KIAA0319L: variants seen among roughly 807,000 people sequenced by gnomAD.
KIAA0319L encodes KIAA0319 like, also known as dyslexia-associated protein KIAA0319-like protein.
A neutral mutation model predicts 120.1 loss-of-function variants in KIAA0319L; 55 were observed. The observed-to-expected ratio is 0.46, with a 90% CI of 0.37 to 0.57. KIAA0319L has a LOEUF of 0.57. Among genes scored for constraint, KIAA0319L ranks in the 20% least tolerant of loss-of-function variants. KIAA0319L has a pLI of 0.00. For missense variants in KIAA0319L, 1,049 were observed against 1,255.3 expected (o/e 0.84, Z 2.48); for synonymous variants, 398 against 471.9 (o/e 0.84, Z 2.03).
chr1:35,456,120 G>A lies in KIAA0319L; in HGVS notation c.1549C>T (p.Gln517Ter). 1 of 1,614,026 alleles carries A rather than the reference G, an allele frequency of 6.2e-7. No individual in the cohort carries two copies. The highest frequency in any genetic ancestry group is 8.5e-7 in the Non-Finnish European group (1 of 1,180,000). The change falls in exon 10 of 21, where the codon CAA becomes TAA. Residue 517 changes from glutamine (Q) to a stop codon, truncating the protein, a stop_gained. Transcript: ENST00000325722. LOFTEE classifies it high-confidence loss of function. ...AGPNQVITLPQNSITLFGNQS... is the reference protein window; with the variant it reads ...AGPNQVITLP ...TTCCCAAAGAGGGTGATGGAGTTTT[G>A]GGGCAGGGTGATCACTTGGTTGGGG... is the stretch of plus-strand genomic sequence containing the variant.
chr1:35,556,485 T>C (rs1001720162), intron 1 of KIAA0319L: 2 of 152,286 alleles, frequency 1.3e-5, no homozygotes, highest in Non-Finnish European at 2.9e-5. Flanking sequence ...GCTTTGCTTA[T>C]ATTTGCAGAC....
intron 2 of KIAA0319L, among the ~76,000 whole-genome samples, chr1:35,519,056 G>A (rs1645803663): frequency 6.6e-6 from 1 of 151,652 alleles, no homozygotes; most frequent in Admixed American, 6.6e-5. Flanking sequence ...GATGAGTTAT[G>A]GGGCTATTTC....
rs193250821 is a variant in KIAA0319L, at chr1:35,504,484, T to C, written c.666+2128A>G. On this transcript the variant is annotated intron_variant, in intron 3 of 20. Transcript: ENST00000325722. ...GTGCTGGGATTACAGGCATAAGCCA[T>C]CACACCCAGCCAATTTTCTTAACAT... Among the ~76,000 whole-genome samples, 310 of 152,294 alleles carry C rather than the reference T, an allele frequency of 2.0e-3. 6 individuals are homozygous for C. In the South Asian group the frequency reaches 0.021, roughly 10 times the overall value.
intron 2 of KIAA0319L, among the ~76,000 whole-genome samples, chr1:35,518,972 T>C (rs938878738): frequency 1.4e-5 from 2 of 142,834 alleles, no homozygotes; most frequent in Non-Finnish European, 3.0e-5. Context: ...AGCAAGACTC[T>C]GTCTCAAAAA....
chr1:35,460,271 C>T, intron 9 of KIAA0319L, 34 bp downstream of exon 9: 2 of 1,588,628 alleles, frequency 1.3e-6, no homozygotes, highest in South Asian at 1.1e-5. Context: ...AAAAAAATGG[C>T]CTATGGTAAA....
intron 9 of KIAA0319L, among the ~76,000 whole-genome samples, chr1:35,458,545 TA>T (rs1642659552): frequency 6.6e-6 from 1 of 152,152 alleles, no homozygotes; most frequent in African/African-American, 2.4e-5. Flanking sequence ...CCCCATCCAC[TA>T]AAAAACCTGT....
chr1:35,495,740 C>T (rs1192797191), intron 3 of KIAA0319L, among the ~76,000 whole-genome samples: 1 of 151,854 alleles, frequency 6.6e-6, no homozygotes, highest in Non-Finnish European at 1.5e-5. Context: ...GCAGCCTCAA[C>T]CTCCCAGGCT....
At chr1:35,555,688 A>G (rs762831177) in intron 1 of KIAA0319L, among the ~76,000 whole-genome samples, 30 of 152,370 alleles carry the variant, frequency 2.0e-4, no homozygotes, top group East Asian at 7.7e-4. Flanking sequence ...CTAGCCTCCC[A>G]AGAGGGAACG....
At chr1:35,473,634 T>C (rs1393895735) in intron 5 of KIAA0319L, among the ~76,000 whole-genome samples, 8 of 152,140 alleles carry the variant, frequency 5.3e-5, no homozygotes, top group Non-Finnish European at 1.0e-4. Context: ...AAAAAGCTTC[T>C]CTAGAGGAAT....
chr1:35,444,607 G>T (rs1570619047), intron 16 of KIAA0319L, among the ~76,000 whole-genome samples: 1 of 152,112 alleles, frequency 6.6e-6, no homozygotes, highest in Non-Finnish European at 1.5e-5. Flanking sequence ...GCCCTAAGCT[G>T]CCCCAGCTAA....
At chr1:35,449,439 A>G (rs770370462) in intron 15 of KIAA0319L, among the ~76,000 whole-genome samples, 9 of 152,248 alleles carry the variant, frequency 5.9e-5, no homozygotes, top group Non-Finnish European at 1.0e-4. Flanking sequence ...GGCTCAACTT[A>G]TAAAAATAAA....
chr1:35,455,954 T>A (rs1396511414), intron 10 of KIAA0319L, 59 bp downstream of exon 10: 4 of 1,276,586 alleles, frequency 3.1e-6, no homozygotes, highest in Non-Finnish European at 4.4e-6. Flanking sequence ...TTTCTAAAAA[T>A]GCAGTCCAGC....
intron 4 of KIAA0319L, 124 bp downstream of exon 4, chr1:35,478,840 CAG>C (rs1644020177): frequency 8.7e-7 from 1 of 1,156,034 alleles, no homozygotes; most frequent in African/African-American, 1.5e-5. Context: ...GGGGCAATGA[CAG>C]AGTTATTTTT....
chr1:35,508,585 T>C (rs943750966), intron 2 of KIAA0319L, among the ~76,000 whole-genome samples: 2 of 150,456 alleles, frequency 1.3e-5, no homozygotes, highest in South Asian at 2.1e-4. Context: ...CCACAGAAAA[T>C]AGAACTCCCT....
intron 2 of KIAA0319L, among the ~76,000 whole-genome samples, chr1:35,545,678 G>A (rs1043165961): frequency 6.6e-6 from 1 of 152,082 alleles, no homozygotes; most frequent in Non-Finnish European, 1.5e-5. Context: ...CTTTGGGAGG[G>A]TGAGGCAGGT....
At chr1:35,535,600 G>A (rs924481330) in intron 2 of KIAA0319L, among the ~76,000 whole-genome samples, 3 of 152,104 alleles carry the variant, frequency 2.0e-5, no homozygotes, top group African/African-American at 7.2e-5. Flanking sequence ...ATATAAAGGA[G>A]AAAATATATG....
At position 35,487,456 on chromosome 1, in the gene KIAA0319L, T is replaced by C. The variant is rs1644431478; in HGVS notation, c.667-8244A>G. Among the ~76,000 whole-genome samples, 3 of 152,178 alleles carry C rather than the reference T, an allele frequency of 2.0e-5. No individual in the cohort carries two copies. The South Asian group carries it at 6.2e-4, about 32-fold the overall frequency. Reference sequence around the variant, plus strand: ...TTTTAGTAGAGACGGGGTTTCGCCATGTTGGCCAGGCTGGTCTCTAACTCC... The same window carrying C: ...TTTTAGTAGAGACGGGGTTTCGCCACGTTGGCCAGGCTGGTCTCTAACTCC... On this transcript the variant is annotated intron_variant, in intron 3 of 20. Transcript: ENST00000325722.
chr1:35,544,407 CT>C (rs1646909995), intron 2 of KIAA0319L, among the ~76,000 whole-genome samples: 1 of 150,924 alleles, frequency 6.6e-6, no homozygotes, highest in Non-Finnish European at 1.5e-5. Flanking sequence ...AGACTGGCCA[CT>C]CCATACAATA....
chr1:35,527,705 A>G (rs182087813), intron 2 of KIAA0319L, among the ~76,000 whole-genome samples: 107 of 151,754 alleles, frequency 7.1e-4, no homozygotes, highest in African/African-American at 2.4e-3. Context: ...ATGTTCTCTG[A>G]TATCTTTTGC....
Sources: gnomAD v4.1 joint callset for allele counts (sites outside exome capture counted in the v4.1 genomes callset) on GRCh38, gnomAD v4.1.1 for gene constraint, MANE v1.5 for transcripts, NCBI Gene and HGNC (gene_info 2026-07-23, HGNC 2026-07-21) for gene names.